MARCKS: variants seen among roughly 807,000 people sequenced by gnomAD.
MARCKS encodes myristoylated alanine rich protein kinase C substrate.
MARCKS carries 4 observed loss-of-function variants against 6.3 expected under a neutral mutation model. The observed-to-expected ratio is 0.63, with a 90% CI of 0.31 to 1.45. The LOEUF (loss-of-function observed/expected upper bound fraction) is 1.45, where lower values mean the gene tolerates loss of function less well. Ranked by LOEUF, MARCKS falls within the 40% of genes most tolerant of loss-of-function variation. The pLI is 0.07. For synonymous variants in MARCKS, 289 were observed against 236.5 expected (o/e 1.22, Z -2.04); for missense variants, 636 against 485.7 (o/e 1.31, Z -2.91).
chr6:113,859,845 G>A lies in MARCKS; in HGVS notation c.265G>A (p.Glu89Lys), dbSNP rs1774854908. The change falls in exon 2 of 2, where the codon GAG becomes AAG. Residue 89 changes from glutamate (E) to lysine (K), a missense_variant. By Grantham distance (56) the Glu-to-Lys change is moderately conservative (BLOSUM62 1). Transcript: ENST00000612661. Reference sequence around the variant, plus strand: ...GTCGCCCTCCGCGGCCGAGAAAGGTGAGCCGGCCGCCGCCGCTGCCCCCGA... The same window carrying A: ...GTCGCCCTCCGCGGCCGAGAAAGGTAAGCCGGCCGCCGCCGCTGCCCCCGA... ...AASPSAAEKG[E>K]PAAAAAPEAG... 2.3e-6 allele frequency: 3 copies of A among 1,294,890 alleles called. No homozygotes were observed. The highest frequency in any genetic ancestry group is 2.2e-5 in the South Asian group (1 of 45,964). 80.2% of individuals were successfully genotyped at this position (1,294,890 alleles called of 1,614,324 possible). A position where few individuals can be genotyped will look rare whatever the true frequency, so the allele number is the denominator to read the frequency against.
Position 113,859,968 on chromosome 6 carries a change from G to C in MARCKS, c.388G>C (p.Ala130Pro), listed in dbSNP as rs772613203. 6.5e-7 allele frequency: 1 copy of C among 1,527,118 alleles called. No individual in the cohort carries two copies. The highest frequency in any genetic ancestry group is 8.7e-7 in the Non-Finnish European group (1 of 1,144,512). 94.6% of individuals were successfully genotyped at this position (1,527,118 alleles called of 1,614,324 possible). ...TAAEGEAASAASSTSSPKAED... is the reference protein window; with the variant it reads ...TAAEGEAASAPSSTSSPKAED... The stretch of plus-strand genomic sequence containing the variant: ...CGCGGAGGGAGAGGCCGCGTCGGCC[G>C]CCTCCTCGACTTCTTCGCCCAAGGC... The change falls in exon 2 of 2, where the codon GCC (alanine) becomes CCC (proline). Residue 130 changes from alanine (A) to proline (P), a missense_variant. Ala to Pro is a conservative substitution (Grantham distance 27, BLOSUM62 -1). Transcript: ENST00000612661.
rs1373713975 is a variant in MARCKS, at chr6:113,860,588, G to C, written c.*9G>C. 1 of 1,538,028 alleles carries C rather than the reference G, an allele frequency of 6.5e-7. No homozygotes were observed. The highest frequency in any genetic ancestry group is 1.2e-5 in the South Asian group (1 of 83,124). On this transcript the variant is annotated 3_prime_UTR_variant, in exon 2 of 2. Coordinates refer to ENST00000612661, the MANE Select transcript of MARCKS (RefSeq NM_002356.7). The stretch of plus-strand genomic sequence containing the variant: ...CGGAGGCGGCAGAGTAAAAGAGCAA[G>C]CTTTTGTGAGATAATCGAAGAACTT...
chr6:113,859,634 G>C (rs760307753), intron 1 of MARCKS, 49 bp from the exon 2 acceptor site: 1 of 1,426,022 alleles, frequency 7.0e-7, no homozygotes, highest in Non-Finnish European at 9.2e-7. Context: ...GGCGGGAATG[G>C]CGGCGCCCCG....
Position 113,861,310 on chromosome 6 carries a change from T to C in MARCKS, c.*731T>C, listed in dbSNP as rs1222435175. ...AAGTAGAACTACAAGTTGTATAGGC[T>C]TTATTGTTTATTGCTGGTTTATGAC... On this transcript the variant is annotated 3_prime_UTR_variant, in exon 2 of 2. Transcript: ENST00000612661. 3 of 152,604 alleles carry C rather than the reference T, an allele frequency of 2.0e-5. No individual in the cohort carries two copies. The highest frequency in any genetic ancestry group is 7.2e-5 in the African/African-American group (3 of 41,440). The allele number at this position is 152,604 out of a possible 1,614,324, so 9.5% of individuals were successfully genotyped here. A position where few individuals can be genotyped will look rare whatever the true frequency, so the allele number is the denominator to read the frequency against.
At position 113,860,698 on chromosome 6, in the gene MARCKS, CTTT is replaced by C. The variant is rs984745086; in HGVS notation, c.*124_*126del. The C allele has an allele frequency of 1.5e-6, 1 of 685,262 alleles. No individual in the cohort carries two copies. The allele number at this position is 685,262 out of a possible 1,614,324, so 42.4% of individuals were successfully genotyped here. On this transcript the variant is annotated 3_prime_UTR_variant, in exon 2 of 2. Coordinates refer to ENST00000612661, the MANE Select transcript of MARCKS (RefSeq NM_002356.7). ...AACCAGGGATTGATTTTAAAGATGT[CTTT>C]TTTTATTTTACTTTTTTTTAAGCAC... is the stretch of plus-strand genomic sequence containing the variant.
chr6:113,860,511 G>T lies in MARCKS; in HGVS notation c.931G>T (p.Ala311Ser), dbSNP rs753251410. Residue 311 changes from alanine (A) to serine (S), a missense_variant, in exon 2 of 2, where the codon GCA (alanine) becomes TCA (serine). Ala to Ser is a moderately conservative substitution (Grantham distance 99, BLOSUM62 1). Coordinates refer to ENST00000612661, the MANE Select transcript of MARCKS (RefSeq NM_002356.7). Reference sequence around the variant, plus strand: ...GGCCGCCGCAGCCTCGTCAGCCTGCGCAGCCCCCTCACAGGAGGCCCAGCC... The same window carrying T: ...GGCCGCCGCAGCCTCGTCAGCCTGCTCAGCCCCCTCACAGGAGGCCCAGCC... ...PAAAAASSAC[A>S]APSQEAQPEC... 1.9e-6 allele frequency: 3 copies of T among 1,544,222 alleles called. No individual in the cohort carries two copies. The highest frequency in any genetic ancestry group is 2.6e-6 in the Non-Finnish European group (3 of 1,148,884).
rs1774866307 is a variant in MARCKS, at chr6:113,860,125, G to A, written c.545G>A (p.Gly182Asp). 1.8e-5 allele frequency: 28 copies of A among 1,536,460 alleles called. No homozygotes were observed. The highest frequency in any genetic ancestry group is 2.4e-5 in the Non-Finnish European group (27 of 1,140,278). The change falls in exon 2 of 2, where the codon GGT becomes GAT. Residue 182 changes from glycine to aspartate, a missense_variant. Gly to Asp is a moderately conservative substitution (Grantham distance 94, BLOSUM62 -1). Coordinates refer to ENST00000612661, the MANE Select transcript of MARCKS (RefSeq NM_002356.7). ...KKNKKEAGEG[G>D]EAEAPAAEGG... ...AACAAGAAGGAGGCTGGAGAAGGCGGTGAGGCTGAGGCGCCCGCTGCCGAA... is the reference window on the plus strand; with the variant it reads ...AACAAGAAGGAGGCTGGAGAAGGCGATGAGGCTGAGGCGCCCGCTGCCGAA...
chr6:113,857,947 T>C, intron 1 of MARCKS, 100 bp downstream of exon 1: 1 of 1,018,658 alleles, frequency 9.8e-7, no homozygotes, highest in Non-Finnish European at 1.5e-6. Flanking sequence ...TGTGGCTGGA[T>C]TCTAGTCTGA....
intron 1 of MARCKS, 88 bp from the exon 2 acceptor site, chr6:113,859,595 A>T (rs1216922863): frequency 1.7e-6 from 2 of 1,192,490 alleles, no homozygotes; most frequent in Non-Finnish European, 2.2e-6. Context: ...CCTTAGGGGG[A>T]AGCGGGGCAC....
Position 113,857,543 on chromosome 6 carries a change from G to A in MARCKS, c.-203G>A. 1.9e-6 allele frequency: 1 copy of A among 535,916 alleles called. No individual in the cohort carries two copies. The highest frequency in any genetic ancestry group is 2.1e-5 in the South Asian group (1 of 46,780). 33.2% of individuals were successfully genotyped at this position (535,916 alleles called of 1,614,324 possible). ...TGTGCTGCTGCTTTTTGATCTCTTC[G>A]ACTAAAATTTTTTTATCCGGAGTGT... On this transcript the variant is annotated 5_prime_UTR_variant, in exon 1 of 2. Coordinates refer to ENST00000612661, the MANE Select transcript of MARCKS (RefSeq NM_002356.7).
intron 1 of MARCKS, among the ~76,000 whole-genome samples, chr6:113,858,271 G>C (rs924068599): frequency 1.3e-5 from 2 of 151,892 alleles, no homozygotes; most frequent in African/African-American, 2.4e-5. Context: ...TGTGGCGGGG[G>C]GGGGAGTCGG....
intron 1 of MARCKS, among the ~76,000 whole-genome samples, chr6:113,859,235 G>C (rs566081782): frequency 4.6e-5 from 7 of 152,352 alleles, no homozygotes; most frequent in Admixed American, 2.0e-4. Context: ...TATGTATTTA[G>C]GGCGAAAGAG....
intron 1 of MARCKS, among the ~76,000 whole-genome samples, chr6:113,858,892 C>G (rs544963217): frequency 1.0e-3 from 152 of 152,366 alleles, no homozygotes; most frequent in African/African-American, 3.3e-3. Flanking sequence ...GGCGAGACCT[C>G]AGAAATAATG....
Position 113,860,251 on chromosome 6 carries a change from C to A in MARCKS, c.671C>A (p.Ala224Glu). The A allele has an allele frequency of 1.8e-6, 2 of 1,083,910 alleles. No individual in the cohort carries two copies. Among genetic ancestry groups the A allele is most frequent in the Non-Finnish European group, 2.3e-6 (2 of 888,548 alleles). 67.1% of individuals were successfully genotyped at this position (1,083,910 alleles called of 1,614,324 possible). ...QAAAPGEEAA[A>E]GEEGAAGGDP... ...GCGGCGCCGGGCGAGGAGGCGGCAG[C>A]GGGCGAGGAGGGGGCGGCGGGTGGC... Residue 224 changes from alanine to glutamate, a missense_variant, in exon 2 of 2, where the codon GCG becomes GAG. Ala to Glu is a moderately radical substitution (Grantham distance 107, BLOSUM62 -1). Coordinates refer to ENST00000612661, the MANE Select transcript of MARCKS (RefSeq NM_002356.7).
chr6:113,859,158 C>T (rs1340241844), intron 1 of MARCKS, among the ~76,000 whole-genome samples: 1 of 152,178 alleles, frequency 6.6e-6, no homozygotes, highest in African/African-American at 2.4e-5. Flanking sequence ...CGGAGGGCCC[C>T]GCGCGGGCGC....
intron 1 of MARCKS, among the ~76,000 whole-genome samples, chr6:113,859,199 A>G (rs948680852): frequency 2.6e-5 from 4 of 152,116 alleles, no homozygotes; most frequent in Non-Finnish European, 5.9e-5. Context: ...TCCCCCTGGG[A>G]ATTCCTGGTA....
Position 113,859,838 on chromosome 6 carries a change from G to C in MARCKS, c.258G>C (p.Glu86Asp). The change falls in exon 2 of 2, where the codon GAG (glutamate) becomes GAC (aspartate). Residue 86 changes from glutamate to aspartate, a missense_variant. Physicochemically the swap from Glu to Asp is conservative, Grantham distance 45 (BLOSUM62 2). Transcript: ENST00000612661. ...GGGCGGCGTCGCCCTCCGCGGCCGAGAAAGGTGAGCCGGCCGCCGCCGCTG... is the reference window on the plus strand; with the variant it reads ...GGGCGGCGTCGCCCTCCGCGGCCGACAAAGGTGAGCCGGCCGCCGCCGCTG... ...GSGAASPSAA[E>D]KGEPAAAAAP... is the part of the protein sequence containing the mutation. The C allele has an allele frequency of 7.7e-7, 1 of 1,293,084 alleles. No individual in the cohort carries two copies. The highest frequency in any genetic ancestry group is 9.8e-7 in the Non-Finnish European group (1 of 1,022,766). 80.1% of individuals were successfully genotyped at this position (1,293,084 alleles called of 1,614,324 possible).
rs1216345722 is a variant in MARCKS at position 113,860,596 on chromosome 6, GAGATAATCGA to G, written c.*21_*30del. On this transcript the variant is annotated 3_prime_UTR_variant, in exon 2 of 2. Transcript: ENST00000612661. ...GCAGAGTAAAAGAGCAAGCTTTTGTGAGATAATCGAAGAACTTTTCTCCCCCGTTTGTTTG... is the reference window on the plus strand; with the variant it reads ...GCAGAGTAAAAGAGCAAGCTTTTGTGAGAACTTTTCTCCCCCGTTTGTTTG... 6.6e-7 allele frequency: 1 copy of G among 1,521,734 alleles called. No homozygotes were observed. The highest frequency in any genetic ancestry group is 8.8e-7 in the Non-Finnish European group (1 of 1,138,912). 94.3% of individuals were successfully genotyped at this position (1,521,734 alleles called of 1,614,324 possible). A position where few individuals can be genotyped will look rare whatever the true frequency, so the allele number is the denominator to read the frequency against.
intron 1 of MARCKS, among the ~76,000 whole-genome samples, chr6:113,859,279 G>A (rs1582439689): frequency 6.6e-6 from 1 of 152,242 alleles, no homozygotes; most frequent in Non-Finnish European, 1.5e-5. Flanking sequence ...CACCAGCTCT[G>A]GCTCTGTGCC....
Sources: gnomAD v4.1 joint callset for allele counts (sites outside exome capture counted in the v4.1 genomes callset) on GRCh38, gnomAD v4.1.1 for gene constraint, MANE v1.5 for transcripts, NCBI Gene and HGNC (gene_info 2026-07-23, HGNC 2026-07-21) for gene names.